The following MGLL variants were observed in gnomAD, a reference collection of about 807,000 sequenced individuals.
MGLL encodes the protein monoglyceride lipase.
MGLL carries 7 observed loss-of-function variants against 29.1 expected under a neutral mutation model. The ratio of observed to expected loss-of-function variants is 0.24; its 90% CI spans 0.14 to 0.45. MGLL has a LOEUF of 0.45. Among genes scored for constraint, MGLL ranks in the 20% least tolerant of loss-of-function variants. The pLI, the probability that MGLL is intolerant of heterozygous loss-of-function variation, is 0.99. For missense variants in MGLL, 356 were observed against 413.6 expected, an observed-to-expected ratio of 0.86 and a Z score of 1.21; for synonymous variants, 148 against 168.3, an observed-to-expected ratio of 0.88 and a Z score of 0.93.
intron 3 of MGLL, among the ~76,000 whole-genome samples, chr3:127,771,176 C>T (rs947778383): frequency 1.3e-5 from 2 of 152,206 alleles, no homozygotes. Flanking sequence ...CTCATTGCCT[C>T]AGGCAGTTAC....
chr3:127,792,369 ACT>A (rs961999305), intron 2 of MGLL, among the ~76,000 whole-genome samples: 1 of 152,172 alleles, frequency 6.6e-6, no homozygotes, highest in African/African-American at 2.4e-5. Context: ...TGAGAAAGTC[ACT>A]CACAGCCTCA....
chr3:127,744,146 A>G (rs911639095), intron 3 of MGLL, among the ~76,000 whole-genome samples: 1 of 152,192 alleles, frequency 6.6e-6, no homozygotes, highest in African/African-American at 2.4e-5. Flanking sequence ...CTGTTACTAC[A>G]TGCTTTATAA....
chr3:127,730,321 G>C (rs1490862513), intron 3 of MGLL, among the ~76,000 whole-genome samples: 1 of 152,090 alleles, frequency 6.6e-6, no homozygotes, highest in Non-Finnish European at 1.5e-5. Flanking sequence ...CACTGTTTGA[G>C]AATGCAGCCT....
At chr3:127,755,398 T>A (rs1465173190) in intron 3 of MGLL, among the ~76,000 whole-genome samples, 1 of 152,212 alleles carries the variant, frequency 6.6e-6, no homozygotes, top group East Asian at 1.9e-4. Context: ...TCTCAGCTCC[T>A]TCCCTTACCC....
chr3:127,706,840 G>A (rs2075612279), intron 6 of MGLL, among the ~76,000 whole-genome samples: 1 of 152,198 alleles, frequency 6.6e-6, no homozygotes, highest in African/African-American at 2.4e-5. Context: ...GGACAGTGTG[G>A]GAGGCTGAAG....
At chr3:127,727,148 T>A (rs1022924992) in intron 3 of MGLL, among the ~76,000 whole-genome samples, 14 of 152,314 alleles carry the variant, frequency 9.2e-5, no homozygotes, top group African/African-American at 3.4e-4. Context: ...TACCAAGAAC[T>A]TCCCCCCTTC....
At chr3:127,712,709 G>C (rs1457872655) in intron 5 of MGLL, 1 of 152,404 alleles carries the variant, frequency 6.6e-6, no homozygotes, top group Non-Finnish European at 1.5e-5. Flanking sequence ...ACTGTGCAGG[G>C]GCATGGTGTG....
At position 127,808,805 on chromosome 3, in the gene MGLL, C is replaced by G. The variant is rs189652336; in HGVS notation, c.155+12889G>C. ...ACATGTGCCTAGGATTCCTTTCCTC[C>G]TTCTCATTCATGCTCCTCCATATCT... On this transcript the variant is annotated intron_variant, in intron 2 of 7. Transcript: ENST00000265052. Among the ~76,000 whole-genome samples, 45 of 152,326 alleles carry G rather than the reference C, an allele frequency of 3.0e-4. 1 individual carries two copies. The highest frequency in any genetic ancestry group is 6.2e-4 in the South Asian group (3 of 4,828).
At chr3:127,741,062 C>T (rs533183956) in intron 3 of MGLL, among the ~76,000 whole-genome samples, 2 of 152,366 alleles carry the variant, frequency 1.3e-5, no homozygotes, top group East Asian at 3.9e-4. Context: ...CCTTCAGCCA[C>T]AGTGACCAGT....
intron 3 of MGLL, among the ~76,000 whole-genome samples, chr3:127,759,945 A>G (rs1383637524): frequency 6.6e-6 from 1 of 152,218 alleles, no homozygotes; most frequent in African/African-American, 2.4e-5. Flanking sequence ...GCACTTCTCC[A>G]CGACTCTGAG....
Position 127,692,024 on chromosome 3 carries a change from AT to A in MGLL, c.*173del, listed in dbSNP as rs1454496403. 3 of 831,388 alleles carry A rather than the reference AT, an allele frequency of 3.6e-6. No homozygotes were observed. The highest frequency in any genetic ancestry group is 3.5e-5 in the African/African-American group (2 of 57,780). 51.5% of individuals were successfully genotyped at this position (831,388 alleles called of 1,614,324 possible). On this transcript the variant is annotated 3_prime_UTR_variant, in exon 8 of 8. Transcript: ENST00000265052. ...ACCATTAAGGTAGGTCCAGTGTCTGATAGTCTAATGTATAACAAAAATGTCT... is the reference window on the plus strand; with the variant it reads ...ACCATTAAGGTAGGTCCAGTGTCTGAAGTCTAATGTATAACAAAAATGTCT...
chr3:127,781,848 T>G lies in MGLL; in HGVS notation c.203A>C (p.Tyr68Ser), dbSNP rs1241993172. 1 of 1,614,080 alleles carries G rather than the reference T, an allele frequency of 6.2e-7. No individual in the cohort carries two copies. The highest frequency in any genetic ancestry group is 1.3e-5 in the African/African-American group (1 of 75,008). ...SHGAGEHSGR[Y>S]EELARMLMGL... is the part of the protein sequence containing the mutation. Reference sequence around the variant, plus strand: ...CATCAGCATCCGAGCCAGCTCTTCATAGCGGCCACTGTGCTCTCCGGCTCC... The same window carrying G: ...CATCAGCATCCGAGCCAGCTCTTCAGAGCGGCCACTGTGCTCTCCGGCTCC... The change falls in exon 3 of 8, where the codon TAT becomes TCT. Residue 68 changes from tyrosine (Y) to serine (S), a missense_variant. Coordinates refer to ENST00000265052, the MANE Select transcript of MGLL (RefSeq NM_007283.7).
chr3:127,744,908 C>T (rs775233722), intron 3 of MGLL, among the ~76,000 whole-genome samples: 2 of 152,212 alleles, frequency 1.3e-5, no homozygotes, highest in Non-Finnish European at 2.9e-5. Context: ...CTAAACTGTG[C>T]TGTCCACGTC....
intron 3 of MGLL, chr3:127,736,145 A>G: frequency 9.1e-7 from 1 of 1,098,304 alleles, no homozygotes; most frequent in Non-Finnish European, 1.1e-6. Flanking sequence ...TAATAAAAGT[A>G]CAGACACCTG....
intron 3 of MGLL, among the ~76,000 whole-genome samples, chr3:127,764,953 G>T (rs1468361593): frequency 6.6e-6 from 1 of 152,216 alleles, no homozygotes; most frequent in Admixed American, 6.5e-5. Context: ...AAACTGAGAT[G>T]CAGAGAGGTT....
intron 3 of MGLL, among the ~76,000 whole-genome samples, chr3:127,762,119 G>C (rs1203556009): frequency 6.6e-6 from 1 of 152,196 alleles, no homozygotes; most frequent in East Asian, 1.9e-4. Context: ...AAGCCCTTCA[G>C]AAAGGGCAGC....
At chr3:127,806,229 G>A (rs950373871) in intron 2 of MGLL, among the ~76,000 whole-genome samples, 3 of 151,858 alleles carry the variant, frequency 2.0e-5, no homozygotes, top group African/African-American at 7.2e-5. Context: ...CTAGTGGCTT[G>A]CCTGCCTGCC....
At chr3:127,755,144 T>C (rs1054623214) in intron 3 of MGLL, among the ~76,000 whole-genome samples, 1 of 152,198 alleles carries the variant, frequency 6.6e-6, no homozygotes, top group South Asian at 2.1e-4. Context: ...GGATGCCCCA[T>C]GCATTGCTCA....
intron 2 of MGLL, among the ~76,000 whole-genome samples, chr3:127,787,999 A>G (rs2077242135): frequency 6.6e-6 from 1 of 152,170 alleles, no homozygotes; most frequent in African/African-American, 2.4e-5. Context: ...TGTCTCTGGC[A>G]GGGCTCCTGC....
Sources: gnomAD v4.1 joint callset for allele counts (sites outside exome capture counted in the v4.1 genomes callset) on GRCh38, gnomAD v4.1.1 for gene constraint, MANE v1.5 for transcripts, NCBI Gene and HGNC (gene_info 2026-07-23, HGNC 2026-07-21) for gene names.